DIPK1A: variants seen among roughly 807,000 people sequenced by gnomAD.
The protein encoded by DIPK1A is family with sequence similarity 69 member A.
In DIPK1A, 27 loss-of-function variants were observed where a neutral mutation model predicts 40.8. That is an observed-to-expected ratio of 0.66 (90% CI 0.49 to 0.91). The LOEUF is 0.91. DIPK1A is among the 40% of genes least tolerant of loss of function. The pLI is 0.00. For missense variants in DIPK1A, 412 were observed against 505.7 expected (o/e 0.81, Z 1.78); for synonymous variants, 166 against 171.3 (o/e 0.97, Z 0.24).
At chr1:92,868,953 G>A (rs1363669438) in intron 2 of DIPK1A, among the ~76,000 whole-genome samples, 2 of 123,122 alleles carry the variant, frequency 1.6e-5, no homozygotes, top group Non-Finnish European at 3.3e-5. Context: ...GTGACAGAGT[G>A]AGACTCAATC....
At chr1:92,896,761 C>A (rs199779828) in intron 1 of DIPK1A, among the ~76,000 whole-genome samples, 39 of 151,226 alleles carry the variant, frequency 2.6e-4, no homozygotes, top group African/African-American at 7.8e-4. Context: ...CTCATCTGAC[C>A]AAGGGCTAAT....
chr1:92,835,648 G>A (rs1045064171), intron 4 of DIPK1A, among the ~76,000 whole-genome samples: 19 of 106,642 alleles, frequency 1.8e-4, no homozygotes, highest in Non-Finnish European at 1.6e-4. Context: ...CAACAAGAGC[G>A]AAACTGTGTC....
At chr1:92,905,218 A>G (rs1047923454) in intron 1 of DIPK1A, among the ~76,000 whole-genome samples, 1 of 152,106 alleles carries the variant, frequency 6.6e-6, no homozygotes, top group Admixed American at 6.5e-5. Context: ...TAGTTTTCTG[A>G]GGAACAACCA....
At chr1:92,951,192 G>T (rs1426991090) in intron 1 of DIPK1A, among the ~76,000 whole-genome samples, 1 of 152,194 alleles carries the variant, frequency 6.6e-6, no homozygotes, top group Non-Finnish European at 1.5e-5. Flanking sequence ...AGAGGAGTTA[G>T]TAAGATGAGG....
rs1329106207 is a variant in DIPK1A at position 92,850,971 on chromosome 1, TAAA to T, written c.190-19_190-17del. The T allele has an allele frequency of 4.1e-6, 6 of 1,471,674 alleles. No homozygotes were observed. The highest frequency in any genetic ancestry group is 5.6e-6 in the Non-Finnish European group (6 of 1,080,360). The allele number at this position is 1,471,674 out of a possible 1,614,324, so 91.2% of individuals were successfully genotyped here. A position where few individuals can be genotyped will look rare whatever the true frequency, so the allele number is the denominator to read the frequency against. On this transcript the variant is annotated splice_polypyrimidine_tract_variant and intron_variant, in intron 2 of 4. Transcript: ENST00000370310. ...ACTTGTCACACTAAAAACCAGGAAA[TAAA>T]AAAGTAGTTAATAGAAAAATATTCA...
chr1:92,919,580 G>A (rs920968587), intron 1 of DIPK1A, among the ~76,000 whole-genome samples: 6 of 152,240 alleles, frequency 3.9e-5, no homozygotes, highest in Non-Finnish European at 7.4e-5. Flanking sequence ...GCTTTCCTCT[G>A]TGCTATCTCT....
Position 92,844,155 on chromosome 1 carries a change from T to TC in DIPK1A, c.514_515insG (p.Asn172ArgfsTer8). ...TCCATCAGCCACCGTCAAGATGAGATTAACCAGTTCAGAGAGGTTTCCTTG... is the reference window on the plus strand; with the variant it reads ...TCCATCAGCCACCGTCAAGATGAGATCTAACCAGTTCAGAGAGGTTTCCTTG... On this transcript the variant is annotated frameshift_variant, in exon 5 of 5. Coordinates refer to ENST00000370310, the MANE Select transcript of DIPK1A (RefSeq NM_001006605.5). LOFTEE classifies it high-confidence loss of function. 1 of 1,551,730 alleles carries TC rather than the reference T, an allele frequency of 6.4e-7. No individual in the cohort carries two copies. Among genetic ancestry groups the TC allele is most frequent in the Non-Finnish European group, 8.7e-7 (1 of 1,147,004 alleles).
chr1:92,953,739 A>G (rs1182754452), intron 1 of DIPK1A, among the ~76,000 whole-genome samples: 1 of 152,228 alleles, frequency 6.6e-6, no homozygotes, highest in African/African-American at 2.4e-5. Context: ...CAGGGGCAGG[A>G]GGAAATGAGG....
At chr1:92,860,627 TA>T (rs796274250) in intron 2 of DIPK1A, among the ~76,000 whole-genome samples, 531 of 11,074 alleles carry the variant, frequency 0.048, 22 homozygotes, top group African/African-American at 0.1. Flanking sequence ...CAATTTCTAC[TA>T]AAAAAAAAAA....
intron 4 of DIPK1A, chr1:92,837,111 A>C: frequency 2.7e-6 from 1 of 372,970 alleles, no homozygotes; most frequent in Admixed American, 4.1e-5. Flanking sequence ...TCTTGGACAA[A>C]TCACTTATTC....
At chr1:92,905,030 C>T (rs1156538850) in intron 1 of DIPK1A, among the ~76,000 whole-genome samples, 1 of 151,970 alleles carries the variant, frequency 6.6e-6, no homozygotes, top group Non-Finnish European at 1.5e-5. Context: ...GTATATGTAC[C>T]ACATTTTCTT....
At chr1:92,873,022 G>A (rs555057418) in intron 2 of DIPK1A, among the ~76,000 whole-genome samples, 32 of 152,200 alleles carry the variant, frequency 2.1e-4, no homozygotes, top group Admixed American at 1.1e-3. Flanking sequence ...GGGGCTTTCC[G>A]CCAACATAAG....
intron 1 of DIPK1A, among the ~76,000 whole-genome samples, chr1:92,948,670 TATATATAC>T (rs1454482027): frequency 6.8e-6 from 1 of 146,050 alleles, no homozygotes; most frequent in African/African-American, 2.5e-5. Context: ...TACATATGTG[TATATATAC>T]ATGTATATGT....
At chr1:92,948,089 G>T (rs2100904113) in intron 1 of DIPK1A, among the ~76,000 whole-genome samples, 2 of 152,300 alleles carry the variant, frequency 1.3e-5, no homozygotes, top group Middle Eastern at 6.8e-3. Context: ...AAAGTTTAAG[G>T]GGATAGACGT....
intron 4 of DIPK1A, chr1:92,833,668 G>T: frequency 6.2e-7 from 1 of 1,601,692 alleles, no homozygotes; most frequent in Non-Finnish European, 8.5e-7. Context: ...CAGGTAAGTT[G>T]TATTCTAGAC....
intron 1 of DIPK1A, among the ~76,000 whole-genome samples, chr1:92,879,179 C>CA (rs1392377903): frequency 1.3e-5 from 2 of 151,454 alleles, no homozygotes; most frequent in African/African-American, 2.4e-5. Flanking sequence ...GACCCTGTTG[C>CA]AAAAAAAGAG....
At chr1:92,915,083 CAAAAAAAAAA>C (rs10583235) in intron 1 of DIPK1A, among the ~76,000 whole-genome samples, 1 of 80,080 alleles carries the variant, frequency 1.2e-5, no homozygotes, top group African/African-American at 5.6e-5. Context: ...GCAAGACTGT[CAAAAAAAAAA>C]AAAAAAAAAA....
chr1:92,930,589 T>G (rs1298985012), intron 1 of DIPK1A: 1 of 152,200 alleles, frequency 6.6e-6, no homozygotes, highest in Non-Finnish European at 1.5e-5. Context: ...CAGAGGGCCC[T>G]TCAAGGTATT....
chr1:92,834,446 C>A (rs1019334820), intron 4 of DIPK1A, among the ~76,000 whole-genome samples: 1 of 152,146 alleles, frequency 6.6e-6, no homozygotes, highest in Non-Finnish European at 1.5e-5. Flanking sequence ...TATTTTGCAG[C>A]AGGTAGGCAC....
Sources: allele counts gnomAD v4.1 joint callset (sites outside exome capture counted in the v4.1 genomes callset), GRCh38; gene constraint gnomAD v4.1.1; transcripts MANE v1.5; gene names NCBI Gene and HGNC (gene_info 2026-07-23, HGNC 2026-07-21).